Variants in SYNPR observed in about 807,000 individuals in gnomAD.
SYNPR encodes synaptoporin.
SYNPR carries 23 observed loss-of-function variants against 32.9 expected under a neutral mutation model. The observed-to-expected ratio is 0.70, with a 90% CI of 0.50 to 0.99. The LOEUF is 0.99. SYNPR is among the 50% of genes least tolerant of loss of function. The pLI is 0.00. For missense variants in SYNPR, 318 were observed against 349.3 expected, an observed-to-expected ratio of 0.91 and a Z score of 0.71; for synonymous variants, 146 against 135.9, an observed-to-expected ratio of 1.07 and a Z score of -0.52.
chr3:63,378,026 T>A (rs2087917041), intron 2 of SYNPR, among the ~76,000 whole-genome samples: 1 of 151,882 alleles, frequency 6.6e-6, no homozygotes, highest in African/African-American at 2.4e-5. Flanking sequence ...ATAAAAACTT[T>A]AGAAAGAAAA....
intron 2 of SYNPR, among the ~76,000 whole-genome samples, chr3:63,333,644 CT>C (rs1472638032): frequency 6.6e-6 from 1 of 152,240 alleles, no homozygotes; most frequent in South Asian, 2.1e-4. Flanking sequence ...TCTCAAACTC[CT>C]GGCTTCAAGC....
chr3:63,310,734 G>T (rs2086955674), intron 2 of SYNPR, among the ~76,000 whole-genome samples: 1 of 151,974 alleles, frequency 6.6e-6, no homozygotes, highest in Non-Finnish European at 1.5e-5. Context: ...GCACTAGCTG[G>T]CTGAGACCTG....
At chr3:63,555,955 C>T (rs972119881) in intron 3 of SYNPR, among the ~76,000 whole-genome samples, 10 of 152,140 alleles carry the variant, frequency 6.6e-5, no homozygotes, top group African/African-American at 2.2e-4. Flanking sequence ...TGATTAATGG[C>T]AGGAAAAGGC....
intron 3 of SYNPR, among the ~76,000 whole-genome samples, chr3:63,541,281 C>T (rs1171220141): frequency 1.3e-5 from 2 of 151,088 alleles, no homozygotes; most frequent in Non-Finnish European, 2.9e-5. Context: ...ACAAGAGACA[C>T]ATCTTACCTC....
At chr3:63,463,461 A>G (rs560547215) in intron 2 of SYNPR, among the ~76,000 whole-genome samples, 1 of 152,260 alleles carries the variant, frequency 6.6e-6, no homozygotes, top group South Asian at 2.1e-4. Flanking sequence ...TAGCTGCCCC[A>G]AAAGTAGCTG....
chr3:63,493,923 G>C (rs1379888347), intron 3 of SYNPR, among the ~76,000 whole-genome samples: 1 of 150,928 alleles, frequency 6.6e-6, no homozygotes, highest in Non-Finnish European at 1.5e-5. Context: ...TAATCCCCAA[G>C]TAAGCCTTAG....
chr3:63,542,156 C>T (rs936629014), intron 3 of SYNPR, among the ~76,000 whole-genome samples: 5 of 152,100 alleles, frequency 3.3e-5, no homozygotes, highest in South Asian at 2.1e-4. Flanking sequence ...AAACTAGAAT[C>T]TCGTTCTCTC....
At chr3:63,202,149 G>T in the SYNPR span, among the ~76,000 whole-genome samples, 2 of 152,072 alleles carry the variant, frequency 1.3e-5, no homozygotes, top group African/African-American at 2.4e-5. Flanking sequence ...GTTTTGGCCC[G>T]TTCTCTTTGG....
Position 63,480,959 on chromosome 3 carries a change from A to G in SYNPR, c.209+3A>G, listed in dbSNP as rs1701035379. ...ATAGCGTTTGCCTACCCATTCAGGT[A>G]GGGAATGGTGGTTCATGCTTGTTAG... On this transcript the variant is annotated splice_donor_region_variant and intron_variant, in intron 3 of 5. Coordinates refer to ENST00000478300, the MANE Select transcript of SYNPR (RefSeq NM_001130003.2). 4.3e-6 allele frequency: 7 copies of G among 1,611,646 alleles called. No individual in the cohort carries two copies. The highest frequency in any genetic ancestry group is 5.9e-6 in the Non-Finnish European group (7 of 1,178,312).
intron 2 of SYNPR, among the ~76,000 whole-genome samples, chr3:63,319,588 A>G (rs1322569056): frequency 2.6e-5 from 4 of 152,070 alleles, no homozygotes; most frequent in African/African-American, 9.7e-5. Flanking sequence ...GATATCTACA[A>G]TGAAAACTGT....
In SYNPR at chr3:63,615,297, C is replaced by A. The variant is rs954879001; in HGVS notation, c.674C>A (p.Ser225Tyr). ...GTTTTCAAGGAGACCGGCTGGCATT[C>A]TTCGGGACAGAGATATCTTTCAGAT... Reference protein sequence around the residue: ...WFVFKETGWHSSGQRYLSDPM... With the variant: ...WFVFKETGWHYSGQRYLSDPM... The change falls in exon 6 of 6, where the codon TCT (serine) becomes TAT (tyrosine). Residue 225 changes from serine to tyrosine, a missense_variant. By Grantham distance (144) the Ser-to-Tyr change is moderately radical. Transcript: ENST00000478300. 2.5e-6 allele frequency: 4 copies of A among 1,613,734 alleles called. No individual in the cohort carries two copies. The African/African-American group carries it at 5.3e-5, about 22-fold the overall frequency.
At chr3:63,453,099 A>C (rs1700409625) in intron 2 of SYNPR, among the ~76,000 whole-genome samples, 1 of 152,118 alleles carries the variant, frequency 6.6e-6, no homozygotes, top group African/African-American at 2.4e-5. Flanking sequence ...TGAGTATTGG[A>C]ATCTACGTTT....
At chr3:63,308,199 C>T (rs1342684392) in intron 2 of SYNPR, among the ~76,000 whole-genome samples, 1 of 151,922 alleles carries the variant, frequency 6.6e-6, no homozygotes, top group Non-Finnish European at 1.5e-5. Context: ...TTATTGTGGG[C>T]TCATTTATTG....
At chr3:63,359,728 C>T (rs1308662850) in intron 2 of SYNPR, among the ~76,000 whole-genome samples, 1 of 152,158 alleles carries the variant, frequency 6.6e-6, no homozygotes, top group Non-Finnish European at 1.5e-5. Context: ...GGCCTCAAGT[C>T]CCAGCTCTGC....
intron 2 of SYNPR, among the ~76,000 whole-genome samples, chr3:63,412,590 G>C (rs2088481713): frequency 6.6e-6 from 1 of 152,094 alleles, no homozygotes; most frequent in Admixed American, 6.6e-5. Context: ...AATATTGTAG[G>C]GTAGATTTTA....
the SYNPR span, among the ~76,000 whole-genome samples, chr3:63,218,058 G>A: frequency 2.7e-3 from 417 of 152,208 alleles, no homozygotes; most frequent in Non-Finnish European, 4.8e-3. Flanking sequence ...CAAGGGCAAC[G>A]GGAGGTGGAG....
intron 3 of SYNPR, among the ~76,000 whole-genome samples, chr3:63,526,329 A>C (rs150376575): frequency 3.9e-5 from 6 of 152,262 alleles, no homozygotes; most frequent in Admixed American, 1.3e-4. Flanking sequence ...CTTGCTCTGC[A>C]CCTCTGTGCA....
In SYNPR at chr3:63,481,500, C is replaced by CT. The variant is rs561840130; in HGVS notation, c.209+545dup. ...ACATATAAAGTGAACTGTTCCTAGT[C>CT]TAAGACAAAGATGACTCAGTTCATA... On this transcript the variant is annotated intron_variant, in intron 3 of 5. Coordinates refer to ENST00000478300, the MANE Select transcript of SYNPR (RefSeq NM_001130003.2). Among the ~76,000 whole-genome samples, 51 of 150,968 alleles carry CT rather than the reference C, an allele frequency of 3.4e-4. No individual in the cohort carries two copies. The South Asian group carries it at 9.9e-3, about 29-fold the overall frequency.
intron 2 of SYNPR, among the ~76,000 whole-genome samples, chr3:63,430,771 T>G (rs568784533): frequency 1.6e-4 from 24 of 152,312 alleles, no homozygotes; most frequent in Middle Eastern, 3.4e-3. Context: ...GCTCCATTTT[T>G]TTTTTCTTTC....
Sources: gnomAD v4.1 joint callset for allele counts (sites outside exome capture counted in the v4.1 genomes callset) on GRCh38, gnomAD v4.1.1 for gene constraint, MANE v1.5 for transcripts, NCBI Gene and HGNC (gene_info 2026-07-23, HGNC 2026-07-21) for gene names.